The following CLUAP1 variants were observed in gnomAD, a reference collection of about 807,000 sequenced individuals.
CLUAP1 encodes the protein clusterin-associated protein 1.
CLUAP1 carries 50 observed loss-of-function variants against 55.0 expected under a neutral mutation model. The observed-to-expected ratio is 0.91, with a 90% CI of 0.72 to 1.15. The LOEUF (loss-of-function observed/expected upper bound fraction) is 1.15. Ranked by LOEUF, CLUAP1 falls within the 50% of genes most tolerant of loss-of-function variation. CLUAP1 has a pLI of 0.00. For synonymous variants in CLUAP1, 195 were observed against 175.4 expected (o/e 1.11, Z -0.88); for missense variants, 530 against 507.6 (o/e 1.04, Z -0.42).
chr16:3,530,427 G>T, intron 9 of CLUAP1, 141 bp from the exon 10 acceptor site: 1 of 660,378 alleles, frequency 1.5e-6, no homozygotes, highest in South Asian at 1.7e-5. Flanking sequence ...GCATTGCATG[G>T]GATAAGGATT....
intron 11 of CLUAP1, chr16:3,533,113 A>T: frequency 1.3e-6 from 2 of 1,536,098 alleles, no homozygotes; most frequent in South Asian, 2.4e-5. Context: ...AAGCAGCACC[A>T]GCTCTCTTAG....
chr16:3,496,140 CA>C (rs74546027), upstream of CLUAP1: 29,140 of 317,822 alleles, frequency 0.092, no homozygotes, highest in South Asian at 0.14. Flanking sequence ...GACTCCGTCT[CA>C]AAAAAAAAAA....
chr16:3,520,645 G>A (rs558269105), intron 7 of CLUAP1, among the ~76,000 whole-genome samples: 1 of 152,234 alleles, frequency 6.6e-6, no homozygotes, highest in South Asian at 2.1e-4. Context: ...GAATCCAGAC[G>A]GGGAAATCCA....
chr16:3,505,088 A>G (rs1171129855), intron 2 of CLUAP1, among the ~76,000 whole-genome samples: 3 of 152,140 alleles, frequency 2.0e-5, no homozygotes, highest in Non-Finnish European at 2.9e-5. Context: ...CAAAAGAACA[A>G]TTAGCTGAGC....
intron 11 of CLUAP1, chr16:3,533,366 G>A (rs568268036): frequency 2.6e-5 from 15 of 567,464 alleles, no homozygotes; most frequent in Non-Finnish European, 4.4e-5. Flanking sequence ...AGCTCAGGCC[G>A]GGCCATCCTC....
chr16:3,523,609 C>T (rs965162469), intron 8 of CLUAP1, among the ~76,000 whole-genome samples: 5 of 152,098 alleles, frequency 3.3e-5, no homozygotes, highest in Admixed American at 3.3e-4. Context: ...GCTTTCAGGC[C>T]CTGTTGTCAC....
intron 10 of CLUAP1, among the ~76,000 whole-genome samples, chr16:3,531,659 G>A (rs1243256128): frequency 1.3e-5 from 2 of 152,184 alleles, no homozygotes; most frequent in African/African-American, 2.4e-5. Context: ...GGGTGGGTGT[G>A]TCTTTACAGA....
intron 10 of CLUAP1, among the ~76,000 whole-genome samples, chr16:3,532,441 A>G (rs2038142938): frequency 9.3e-6 from 1 of 107,898 alleles, no homozygotes; most frequent in South Asian, 2.9e-4. Flanking sequence ...TGGAGACAGA[A>G]TCTCATTCTG....
chr16:3,523,279 A>G lies in CLUAP1; in HGVS notation c.835A>G (p.Met279Val). 1.2e-6 allele frequency: 2 copies of G among 1,612,904 alleles called. No individual in the cohort carries two copies. The highest frequency in any genetic ancestry group is 1.7e-6 in the Non-Finnish European group (2 of 1,179,662). The change falls in exon 8 of 12, where the codon ATG becomes GTG. Residue 279 changes from methionine to valine, a missense_variant. Met to Val is a conservative substitution (Grantham distance 21). Coordinates refer to ENST00000576634, the MANE Select transcript of CLUAP1 (RefSeq NM_015041.3). ...ACAACAGCTTGAAGACCATCATAGG[A>G]TGGAGCAAGAAAGGTTTGAGGTGAG... ...LEQQLEDHHR[M>V]EQERFEEAKN...
At chr16:3,521,593 C>T (rs2037835670) in intron 7 of CLUAP1, among the ~76,000 whole-genome samples, 1 of 151,954 alleles carries the variant, frequency 6.6e-6, no homozygotes, top group Non-Finnish European at 1.5e-5. Context: ...CGCCACCACG[C>T]CCAGCTAATT....
chr16:3,495,439 G>C, the CLUAP1 span: 37 of 1,608,180 alleles, frequency 2.3e-5, no homozygotes, highest in Non-Finnish European at 3.1e-5. Flanking sequence ...CAGTGTGGTG[G>C]GGAGGAGCAA....
At chr16:3,530,536 T>A in intron 9 of CLUAP1, 32 bp from the exon 10 acceptor site, 3 of 1,530,776 alleles carry the variant, frequency 2.0e-6, no homozygotes, top group Non-Finnish European at 1.8e-6. Context: ...ATGAAGCCAC[T>A]CCTTTGTTTT....
chr16:3,505,382 T>C (rs970491891), intron 2 of CLUAP1, among the ~76,000 whole-genome samples: 6 of 150,584 alleles, frequency 4.0e-5, no homozygotes, highest in African/African-American at 1.5e-4. Context: ...CACAAAAAAT[T>C]AGCCAGGCGT....
At chr16:3,529,115 C>G (rs780013558) in intron 9 of CLUAP1, among the ~76,000 whole-genome samples, 5 of 151,888 alleles carry the variant, frequency 3.3e-5, no homozygotes, top group African/African-American at 7.3e-5. Context: ...TGTTCAAGTC[C>G]TTTTCATGTA....
chr16:3,505,907 C>A (rs981913225), intron 2 of CLUAP1, among the ~76,000 whole-genome samples: 1 of 152,170 alleles, frequency 6.6e-6, no homozygotes, highest in Non-Finnish European at 1.5e-5. Flanking sequence ...TCTTAGCTTG[C>A]AGGCTGTACA....
intron 2 of CLUAP1, 52 bp downstream of exon 2, chr16:3,504,883 T>G (rs1339450332): frequency 9.3e-7 from 1 of 1,080,734 alleles, no homozygotes; most frequent in Non-Finnish European, 1.4e-6. Context: ...GTTTTATTTA[T>G]TAGTCATCTA....
Position 3,533,249 on chromosome 16 carries a change from C to T in CLUAP1, c.1092+408C>T, listed in dbSNP as rs1485553439. On this transcript the variant is annotated intron_variant, in intron 11 of 11. Coordinates refer to ENST00000576634, the MANE Select transcript of CLUAP1 (RefSeq NM_015041.3). ...TCTCCCTAGGAGTGATGCTTCCTCTCTCCTGGGCAAAAAGGCCACTCAAAA... is the reference window on the plus strand; with the variant it reads ...TCTCCCTAGGAGTGATGCTTCCTCTTTCCTGGGCAAAAAGGCCACTCAAAA... 4 of 992,666 alleles carry T rather than the reference C, an allele frequency of 4.0e-6. No individual in the cohort carries two copies. The African/African-American group carries it at 4.8e-5, about 12-fold the overall frequency. The allele number at this position is 992,666 out of a possible 1,614,324, so 61.5% of individuals were successfully genotyped here.
chr16:3,518,684 G>C (rs1183936448), intron 6 of CLUAP1, among the ~76,000 whole-genome samples: 1 of 152,194 alleles, frequency 6.6e-6, no homozygotes, highest in Non-Finnish European at 1.5e-5. Context: ...GGGGCTCTAA[G>C]GCACTTGCAG....
chr16:3,506,008 G>A lies in CLUAP1; in HGVS notation c.135-323G>A, dbSNP rs1039022786. 4.6e-5 allele frequency among the ~76,000 whole-genome samples: 7 copies of A among 152,128 alleles called. No homozygotes were observed. In the East Asian group the frequency reaches 9.6e-4, roughly 21 times the overall value. On this transcript the variant is annotated intron_variant, in intron 2 of 11. Coordinates refer to ENST00000576634, the MANE Select transcript of CLUAP1 (RefSeq NM_015041.3). ...TGCTGCTGCTTAGAGCTGACTAATCGGCCCTAGCACTGATCTCTGAGTCAA... is the reference window on the plus strand; with the variant it reads ...TGCTGCTGCTTAGAGCTGACTAATCAGCCCTAGCACTGATCTCTGAGTCAA...
Sources: gnomAD v4.1 joint callset for allele counts (sites outside exome capture counted in the v4.1 genomes callset) on GRCh38, gnomAD v4.1.1 for gene constraint, MANE v1.5 for transcripts, NCBI Gene and HGNC (gene_info 2026-07-23, HGNC 2026-07-21) for gene names.